PRDM16: variants seen among roughly 807,000 people sequenced by gnomAD.
The protein encoded by PRDM16 is histone-lysine N-methyltransferase PRDM16.
PRDM16 carries 23 observed loss-of-function variants against 110.6 expected under a neutral mutation model. The ratio of observed to expected loss-of-function variants is 0.21; its 90% CI spans 0.15 to 0.29. PRDM16 has a LOEUF of 0.29. PRDM16 is among the 10% of genes least tolerant of loss of function. PRDM16 has a pLI of 1.00. For missense variants in PRDM16, 1,615 were observed against 1,794.3 expected, an observed-to-expected ratio of 0.90 and a Z score of 1.81; for synonymous variants, 799 against 781.8, an observed-to-expected ratio of 1.02 and a Z score of -0.37.
At chr1:3,253,724 A>T (rs1197721163) in intron 3 of PRDM16, among the ~76,000 whole-genome samples, 2 of 152,216 alleles carry the variant, frequency 1.3e-5, no homozygotes, top group Non-Finnish European at 2.9e-5. Flanking sequence ...GTATATACCC[A>T]GTAATGGGAT....
At position 3,169,924 on chromosome 1, in the gene PRDM16, G is replaced by A. The variant is rs904481180; in HGVS notation, c.38-16201G>A. On this transcript the variant is annotated intron_variant, in intron 1 of 16. Coordinates refer to ENST00000270722, the MANE Select transcript of PRDM16 (RefSeq NM_022114.4). ...CGTTAATTCACTGCCTAATGACCGC[G>A]GCCCGCGCGCTCCGAGTAATCGGGT... 5.1e-4 allele frequency among the ~76,000 whole-genome samples: 78 copies of A among 152,370 alleles called. No individual in the cohort carries two copies. In the Middle Eastern group the frequency reaches 0.01, roughly 20 times the overall value.
rs1639790698 is a variant in PRDM16 at position 3,246,383 on chromosome 1, C to T, written c.438+2246C>T. On this transcript the variant is annotated intron_variant, in intron 3 of 16. Transcript: ENST00000270722. This position sits in a 1 kb window ranked among gnomAD's most constrained non-coding sequence, Gnocchi z 5.2. ...CGGGCTGAGGAGTCTCAGGTTCCGC[C>T]ATCCCACGGAATCAGAGCAGACCCG... 6.6e-6 allele frequency among the ~76,000 whole-genome samples: 1 copy of T among 152,230 alleles called. No homozygotes were observed. Among genetic ancestry groups the T allele is most frequent in the African/African-American group, 2.4e-5 (1 of 41,468 alleles).
chr1:3,327,736 T>G (rs1390038900), intron 3 of PRDM16, among the ~76,000 whole-genome samples: 2 of 152,140 alleles, frequency 1.3e-5, no homozygotes, highest in African/African-American at 4.8e-5. Flanking sequence ...CCACTGCACT[T>G]GGCCCCCACC....
chr1:3,159,755 C>T (rs1168415453), intron 1 of PRDM16, among the ~76,000 whole-genome samples: 1 of 152,168 alleles, frequency 6.6e-6, no homozygotes, highest in African/African-American at 2.4e-5. Context: ...CAAGGTCTAA[C>T]ACTTGCTAAG....
At chr1:3,099,291 A>G (rs1440154722) in intron 1 of PRDM16, among the ~76,000 whole-genome samples, 1 of 152,234 alleles carries the variant, frequency 6.6e-6, no homozygotes, top group Non-Finnish European at 1.5e-5. Context: ...TGAGTCCTCA[A>G]ACTGCCTAGA....
At chr1:3,121,848 G>A (rs866682447) in intron 1 of PRDM16, among the ~76,000 whole-genome samples, 13 of 152,198 alleles carry the variant, frequency 8.5e-5, no homozygotes, top group Non-Finnish European at 1.8e-4. Flanking sequence ...TGGCCCTGGC[G>A]GGAAGTGGAG....
chr1:3,288,637 G>A (rs1405323133), intron 3 of PRDM16, among the ~76,000 whole-genome samples: 5 of 152,124 alleles, frequency 3.3e-5, no homozygotes, highest in Admixed American at 2.0e-4. Flanking sequence ...ACCACCCATA[G>A]CCCCTCCCCC....
chr1:3,201,753 T>G lies in PRDM16; in HGVS notation c.387+15279T>G, dbSNP rs780510193. Among the ~76,000 whole-genome samples, 9 of 152,356 alleles carry G rather than the reference T, an allele frequency of 5.9e-5. No individual in the cohort carries two copies. The South Asian group carries it at 1.7e-3, about 28-fold the overall frequency. The stretch of plus-strand genomic sequence containing the variant: ...CTTCAGCTGGAGCCGAGTAGGGTCG[T>G]GTCTGCCCCGCTTCCACGCGAGCCC... On this transcript the variant is annotated intron_variant, in intron 2 of 16. Transcript: ENST00000270722. This position sits in a 1 kb window ranked among gnomAD's most constrained non-coding sequence, Gnocchi z 4.1.
At chr1:3,338,660 C>T (rs892150837) in intron 3 of PRDM16, among the ~76,000 whole-genome samples, 3 of 152,180 alleles carry the variant, frequency 2.0e-5, no homozygotes, top group Non-Finnish European at 2.9e-5. Context: ...CAGGGTCCCA[C>T]GCCATGAGGG....
intron 1 of PRDM16, among the ~76,000 whole-genome samples, chr1:3,181,701 C>T (rs199927614): frequency 0.027 from 2,651 of 98,782 alleles, 2 homozygotes; most frequent in South Asian, 0.038. Flanking sequence ...CGGTCTTACA[C>T]ACGGTCTTAC....
intron 9 of PRDM16, among the ~76,000 whole-genome samples, chr1:3,413,128 A>G (rs1294337087): frequency 1.1e-4 from 9 of 79,440 alleles, no homozygotes; most frequent in African/African-American, 3.8e-4. Context: ...CAGTAACCCC[A>G]CCCCCCACCC....
chr1:3,425,113 T>A lies in PRDM16; in HGVS notation c.2940-468T>A, dbSNP rs1279323530. On this transcript the variant is annotated intron_variant, in intron 12 of 16. Transcript: ENST00000270722. The surrounding 1 kb of genome is among the most constrained non-coding windows in gnomAD (Gnocchi z 6.9). ...TTTTTTTTGAGATGGAGTCTCGCTCTGTCGCCCAGGCTGGAGTGCGGTGGC... is the reference window on the plus strand; with the variant it reads ...TTTTTTTTGAGATGGAGTCTCGCTCAGTCGCCCAGGCTGGAGTGCGGTGGC... 1 of 148,978 alleles carries A rather than the reference T, an allele frequency of 6.7e-6. No individual in the cohort carries two copies. Among genetic ancestry groups the A allele is most frequent in the African/African-American group, 2.5e-5 (1 of 39,724 alleles). 9.2% of individuals were successfully genotyped at this position (148,978 alleles called of 1,614,324 possible).
chr1:3,195,404 G>A lies in PRDM16; in HGVS notation c.387+8930G>A, dbSNP rs529696612. ...AATGACTAAGAATACCTCCCTGATG[G>A]CTCTCCTTTACTTCCTTAAGGGGTA... is the stretch of plus-strand genomic sequence containing the variant. On this transcript the variant is annotated intron_variant, in intron 2 of 16. Transcript: ENST00000270722. Among the ~76,000 whole-genome samples, 12 of 152,266 alleles carry A rather than the reference G, an allele frequency of 7.9e-5. No homozygotes were observed. The South Asian group carries it at 2.3e-3, about 29-fold the overall frequency.
intron 3 of PRDM16, among the ~76,000 whole-genome samples, chr1:3,324,667 G>A (rs60030257): frequency 0.014 from 2,115 of 151,736 alleles, 50 homozygotes; most frequent in African/African-American, 0.047. Context: ...ATGATCCTGC[G>A]GGCACAGGCA....
At position 3,181,666 on chromosome 1, in the gene PRDM16, AGTCTT is replaced by A. The variant is rs1557509931; in HGVS notation, c.38-4458_38-4454del. On this transcript the variant is annotated intron_variant, in intron 1 of 16. Transcript: ENST00000270722. ...CACGGTCTTACACACGGTCTTACAC[AGTCTT>A]ACACGCGCAGTCTTACACACGGTCT... is the stretch of plus-strand genomic sequence containing the variant. 7.3e-4 allele frequency among the ~76,000 whole-genome samples: 97 copies of A among 133,066 alleles called. 1 individual carries two copies. The highest frequency in any genetic ancestry group is 1.5e-3 in the South Asian group (6 of 3,922). 87.3% of individuals were successfully genotyped at this position (133,066 alleles called of 152,430 possible). A position where few individuals can be genotyped will look rare whatever the true frequency, so the allele number is the denominator to read the frequency against.
chr1:3,248,315 T>A (rs1325110705), intron 3 of PRDM16, among the ~76,000 whole-genome samples: 2 of 152,218 alleles, frequency 1.3e-5, no homozygotes, highest in African/African-American at 4.8e-5. Context: ...TTTGTCCACT[T>A]TATCGTGTTT....
At chr1:3,108,910 AAAAAAATAC>A (rs1226655053) in intron 1 of PRDM16, among the ~76,000 whole-genome samples, 2 of 151,830 alleles carry the variant, frequency 1.3e-5, no homozygotes, top group African/African-American at 4.8e-5. Flanking sequence ...TACTAAAAAA[AAAAAAATAC>A]AAAAATACAA....
In PRDM16 at chr1:3,175,313, C is replaced by A. The variant is rs1312375937; in HGVS notation, c.38-10812C>A. Among the ~76,000 whole-genome samples the A allele has an allele frequency of 6.6e-6, 1 of 152,184 alleles. No homozygotes were observed. The highest frequency in any genetic ancestry group is 2.4e-5 in the African/African-American group (1 of 41,442). On this transcript the variant is annotated intron_variant, in intron 1 of 16. Transcript: ENST00000270722. The surrounding 1 kb of genome is among the most constrained non-coding windows in gnomAD (Gnocchi z 4.8). ...CTTCTGTTCACCAGGGTATACTCGG[C>A]AGAGATGTAGGTGTACAGAATCCTC...
At chr1:3,212,592 C>T (rs914826520) in intron 2 of PRDM16, among the ~76,000 whole-genome samples, 7 of 147,296 alleles carry the variant, frequency 4.8e-5, no homozygotes, top group Non-Finnish European at 6.0e-5. Flanking sequence ...TGGAGGCCCC[C>T]GCTCATCCTC....
Sources: allele counts gnomAD v4.1 joint callset (sites outside exome capture counted in the v4.1 genomes callset), GRCh38; gene constraint gnomAD v4.1.1; non-coding constraint Gnocchi (gnomAD v3.1); transcripts MANE v1.5; gene names NCBI Gene and HGNC (gene_info 2026-07-23, HGNC 2026-07-21).